CFAP61: variants seen among roughly 807,000 people sequenced by gnomAD.
The protein encoded by CFAP61 is cilia- and flagella-associated protein 61.
In CFAP61, 107 loss-of-function variants were observed where a neutral mutation model predicts 135.6. The observed-to-expected ratio is 0.79, with a 90% confidence interval of 0.67 to 0.93. CFAP61 has a LOEUF of 0.93. Among genes scored for constraint, CFAP61 ranks in the 40% least tolerant of loss-of-function variants. The pLI, the probability that CFAP61 is intolerant of heterozygous loss-of-function variation, is 0.00. For missense variants in CFAP61, 1,507 were observed against 1,556.2 expected, an observed-to-expected ratio of 0.97 and a Z score of 0.53; for synonymous variants, 575 against 578.5, an observed-to-expected ratio of 0.99 and a Z score of 0.09.
intron 18 of CFAP61, among the ~76,000 whole-genome samples, chr20:20,229,687 G>GAC (rs1235401310): frequency 1.3e-5 from 2 of 152,152 alleles, no homozygotes; most frequent in Non-Finnish European, 2.9e-5. Flanking sequence ...ACATTAACCA[G>GAC]ATAAAAAAAG....
chr20:20,175,806 C>T (rs1184648249), intron 13 of CFAP61, among the ~76,000 whole-genome samples: 2 of 152,114 alleles, frequency 1.3e-5, no homozygotes, highest in Non-Finnish European at 2.9e-5. Context: ...GCTGGGATTA[C>T]AGGCGTGAGC....
chr20:20,278,649 GT>G (rs1319105607), intron 22 of CFAP61, among the ~76,000 whole-genome samples: 1 of 152,196 alleles, frequency 6.6e-6, no homozygotes, highest in Non-Finnish European at 1.5e-5. Context: ...ATCAGCCTAA[GT>G]CAGGGCTTCT....
chr20:20,083,403 C>G (rs975546418), intron 6 of CFAP61, among the ~76,000 whole-genome samples: 3 of 152,044 alleles, frequency 2.0e-5, no homozygotes, highest in East Asian at 1.9e-4. Flanking sequence ...GTACACTGCT[C>G]AGGTGATGGG....
At chr20:20,130,061 G>A (rs565471330) in intron 8 of CFAP61, among the ~76,000 whole-genome samples, 9 of 151,762 alleles carry the variant, frequency 5.9e-5, no homozygotes, top group East Asian at 1.9e-4. Context: ...AGGCCAAGGC[G>A]GGCAGATCAT....
intron 8 of CFAP61, among the ~76,000 whole-genome samples, chr20:20,121,490 T>A (rs879431128): frequency 6.6e-6 from 1 of 151,942 alleles, no homozygotes; most frequent in Non-Finnish European, 1.5e-5. Flanking sequence ...TTTTAGTTTT[T>A]AAAATTTTTA....
At chr20:20,241,390 G>A (rs1448654213) in intron 18 of CFAP61, among the ~76,000 whole-genome samples, 1 of 152,032 alleles carries the variant, frequency 6.6e-6, no homozygotes, top group Non-Finnish European at 1.5e-5. Context: ...GAAAAAGAGT[G>A]GAAACCTGTT....
At chr20:20,346,557 A>G (rs963418650) in intron 26 of CFAP61, among the ~76,000 whole-genome samples, 7 of 151,668 alleles carry the variant, frequency 4.6e-5, no homozygotes, top group Non-Finnish European at 7.4e-5. Context: ...TTTATTTTTA[A>G]AAAGCAAACT....
chr20:20,224,917 C>G (rs1483388774), intron 17 of CFAP61, among the ~76,000 whole-genome samples: 1 of 152,114 alleles, frequency 6.6e-6, no homozygotes, highest in African/African-American at 2.4e-5. Flanking sequence ...GAGTCAAGAA[C>G]TAGGGCTTTT....
At chr20:20,207,499 G>A (rs1012819541) in intron 17 of CFAP61, among the ~76,000 whole-genome samples, 1 of 152,224 alleles carries the variant, frequency 6.6e-6, no homozygotes, top group Non-Finnish European at 1.5e-5. Context: ...CTGCAGCCTA[G>A]CAAGGCTCCG....
chr20:20,241,218 C>A (rs1347143018), intron 18 of CFAP61, among the ~76,000 whole-genome samples: 2 of 152,072 alleles, frequency 1.3e-5, no homozygotes, highest in Non-Finnish European at 1.5e-5. Context: ...GCCTGGTGAC[C>A]AGTCCCCATT....
At chr20:20,258,441 A>T (rs1224333248) in intron 20 of CFAP61, 8 of 152,142 alleles carry the variant, frequency 5.3e-5, no homozygotes, top group Admixed American at 5.2e-4. Context: ...CCCACTGAAG[A>T]AGGGAAGGAA....
chr20:20,209,174 G>A (rs1358069804), intron 17 of CFAP61, among the ~76,000 whole-genome samples: 1 of 152,144 alleles, frequency 6.6e-6, no homozygotes, highest in Non-Finnish European at 1.5e-5. Flanking sequence ...CACGGTTTGG[G>A]GACTAAACAG....
At chr20:20,057,995 T>C (rs1014599298) in intron 2 of CFAP61, among the ~76,000 whole-genome samples, 6 of 152,176 alleles carry the variant, frequency 3.9e-5, no homozygotes. Context: ...CCCAAAGTCT[T>C]TGGATTACAG....
Position 20,352,758 on chromosome 20 carries a change from A to T in CFAP61, c.3514-7452A>T, listed in dbSNP as rs2058888634. Among the ~76,000 whole-genome samples, 5 of 152,224 alleles carry T rather than the reference A, an allele frequency of 3.3e-5. 1 individual carries two copies. The South Asian group carries it at 1.0e-3, about 31-fold the overall frequency. On this transcript the variant is annotated intron_variant, in intron 26 of 26. Coordinates refer to ENST00000245957, the MANE Select transcript of CFAP61 (RefSeq NM_015585.4). ...TTCTAGAAGAGAACATAGGAGAAATAGTTCTTGACGTTGGTCTCAGAAAGG... is the reference window on the plus strand; with the variant it reads ...TTCTAGAAGAGAACATAGGAGAAATTGTTCTTGACGTTGGTCTCAGAAAGG...
intron 2 of CFAP61, among the ~76,000 whole-genome samples, chr20:20,061,112 G>C (rs1217280029): frequency 6.6e-6 from 1 of 152,124 alleles, no homozygotes; most frequent in Non-Finnish European, 1.5e-5. Flanking sequence ...AGATAATAAA[G>C]ACTGTTAGGA....
At chr20:20,115,264 C>T (rs1289524578) in intron 8 of CFAP61, among the ~76,000 whole-genome samples, 1 of 142,884 alleles carries the variant, frequency 7.0e-6, no homozygotes, top group African/African-American at 2.6e-5. Context: ...CTCTTCTATT[C>T]ATTTCAAGTT....
chr20:20,191,537 C>T (rs1355591912), intron 15 of CFAP61, 118 bp downstream of exon 15: 10 of 624,694 alleles, frequency 1.6e-5, no homozygotes, highest in Non-Finnish European at 2.8e-6. Flanking sequence ...CCTCCTTTTT[C>T]TGATGGATAT....
At chr20:20,217,934 G>C (rs1374832913) in intron 17 of CFAP61, among the ~76,000 whole-genome samples, 1 of 152,178 alleles carries the variant, frequency 6.6e-6, no homozygotes, top group Non-Finnish European at 1.5e-5. Flanking sequence ...ATGGGTCAGT[G>C]GGTGTGTCAT....
In CFAP61 at chr20:20,166,455, T is replaced by C. The variant is rs1474659156; in HGVS notation, c.1245+19T>C. On this transcript the variant is annotated intron_variant, in intron 12 of 26. Coordinates refer to ENST00000245957, the MANE Select transcript of CFAP61 (RefSeq NM_015585.4). ...TTTTTCTGTAAGTACATGCTGAATT[T>C]TGAGAACTGATTTTGTAAGCTTAGA... is the stretch of plus-strand genomic sequence containing the variant. 14 of 1,597,098 alleles carry C rather than the reference T, an allele frequency of 8.8e-6. No individual in the cohort carries two copies. Among genetic ancestry groups the C allele is most frequent in the Middle Eastern group, 1.7e-4 (1 of 6,054 alleles).
Sources: allele counts gnomAD v4.1 joint callset (sites outside exome capture counted in the v4.1 genomes callset), GRCh38; gene constraint gnomAD v4.1.1; transcripts MANE v1.5; gene names NCBI Gene and HGNC (gene_info 2026-07-23, HGNC 2026-07-21).